ABHD12: variants seen among roughly 807,000 people sequenced by gnomAD.
ABHD12 encodes the protein lysophosphatidylserine lipase ABHD12.
ABHD12 carries 43 observed loss-of-function variants against 58.3 expected under a neutral mutation model. That is an observed-to-expected ratio of 0.74 (90% CI 0.58 to 0.95). The LOEUF (loss-of-function observed/expected upper bound fraction) is 0.95, where lower values mean the gene tolerates loss of function less well. ABHD12 is among the 40% of genes least tolerant of loss of function. The pLI is 0.00. For missense variants in ABHD12, 539 were observed against 537.2 expected (o/e 1.00, Z -0.03); for synonymous variants, 219 against 211.2 (o/e 1.04, Z -0.32).
At chr20:25,338,217 T>TTCC (rs1871965852) in intron 2 of ABHD12, among the ~76,000 whole-genome samples, 1 of 152,172 alleles carries the variant, frequency 6.6e-6, no homozygotes, top group South Asian at 2.1e-4. Context: ...GCCTCCTCCT[T>TTCC]TCCTCCTCCT....
chr20:25,373,233 A>G (rs901554035), intron 1 of ABHD12, among the ~76,000 whole-genome samples: 1 of 152,170 alleles, frequency 6.6e-6, no homozygotes, highest in Non-Finnish European at 1.5e-5. Context: ...ACATTACTAC[A>G]TGGCATGACA....
At chr20:25,355,284 A>G (rs1046818272) in intron 1 of ABHD12, among the ~76,000 whole-genome samples, 1 of 152,154 alleles carries the variant, frequency 6.6e-6, no homozygotes, top group African/African-American at 2.4e-5. Context: ...CCTATCAAAG[A>G]GAAATATGCA....
At chr20:25,333,521 C>T (rs2089312370) in intron 2 of ABHD12, among the ~76,000 whole-genome samples, 1 of 150,054 alleles carries the variant, frequency 6.7e-6, no homozygotes. Context: ...GAATTTTAGA[C>T]CAATATCCTT....
intron 10 of ABHD12, among the ~76,000 whole-genome samples, chr20:25,305,374 T>TG (rs953884816): frequency 2.6e-4 from 40 of 151,888 alleles, no homozygotes; most frequent in Admixed American, 2.5e-3. Context: ...CCTCTTTTTT[T>TG]TTTTTTGAGA....
chr20:25,325,580 G>A (rs1287690734), intron 2 of ABHD12, among the ~76,000 whole-genome samples: 1 of 152,166 alleles, frequency 6.6e-6, no homozygotes, highest in African/African-American at 2.4e-5. Flanking sequence ...GGAGAAGATG[G>A]AGGCAGAGAT....
intron 2 of ABHD12, among the ~76,000 whole-genome samples, chr20:25,325,203 C>CAAAA (rs376306392): frequency 2.6e-5 from 2 of 76,444 alleles, no homozygotes; most frequent in African/African-American, 5.0e-5. Context: ...GACCCTGTTT[C>CAAAA]AAAAAAAAAA....
At chr20:25,373,347 G>A (rs899607149) in intron 1 of ABHD12, among the ~76,000 whole-genome samples, 1 of 152,170 alleles carries the variant, frequency 6.6e-6, no homozygotes, top group Non-Finnish European at 1.5e-5. Flanking sequence ...AGGAGTTCAA[G>A]ACCGGCCTGG....
At chr20:25,308,526 T>C in intron 7 of ABHD12, 32 bp from the exon 8 acceptor site, 1 of 1,595,114 alleles carries the variant, frequency 6.3e-7, no homozygotes, top group East Asian at 2.3e-5. Flanking sequence ...TTAGTTGAGT[T>C]ATGATAAAAT....
At chr20:25,301,445 CT>C (rs1352197043) in intron 12 of ABHD12, among the ~76,000 whole-genome samples, 1 of 152,152 alleles carries the variant, frequency 6.6e-6, no homozygotes, top group Non-Finnish European at 1.5e-5. Context: ...ACAAAAAACT[CT>C]ATCACCATTA....
chr20:25,335,787 T>A (rs531039386), intron 2 of ABHD12, among the ~76,000 whole-genome samples: 31 of 135,706 alleles, frequency 2.3e-4, no homozygotes, highest in Non-Finnish European at 4.6e-4. Context: ...AAGGGGAACA[T>A]CACACTCTGG....
chr20:25,377,886 C>T (rs1443726462), intron 1 of ABHD12, among the ~76,000 whole-genome samples: 5 of 152,032 alleles, frequency 3.3e-5, no homozygotes, highest in African/African-American at 9.7e-5. Flanking sequence ...TTAGGATAGA[C>T]GGGGTTTCAC....
chr20:25,321,081 T>C (rs1223664510), intron 3 of ABHD12, among the ~76,000 whole-genome samples: 2 of 152,254 alleles, frequency 1.3e-5, no homozygotes, highest in Non-Finnish European at 2.9e-5. Flanking sequence ...TCTTATTTTC[T>C]AGATCTTAAG....
At chr20:25,321,710 T>A (rs535563246) in intron 3 of ABHD12, among the ~76,000 whole-genome samples, 33 of 152,320 alleles carry the variant, frequency 2.2e-4, no homozygotes, top group African/African-American at 7.7e-4. Flanking sequence ...TAGGACAGAC[T>A]CATGTTAACC....
chr20:25,324,477 A>G (rs2089138989), intron 2 of ABHD12, among the ~76,000 whole-genome samples: 1 of 152,212 alleles, frequency 6.6e-6, no homozygotes, highest in South Asian at 2.1e-4. Context: ...CTGAGGTGGG[A>G]TTTGCCTGCT....
intron 1 of ABHD12, among the ~76,000 whole-genome samples, chr20:25,364,649 G>A (rs1249715414): frequency 6.6e-6 from 1 of 152,092 alleles, no homozygotes; most frequent in Non-Finnish European, 1.5e-5. Flanking sequence ...CATACCTAAC[G>A]GCCTACAGAG....
chr20:25,318,269 T>G (rs1446680229), intron 4 of ABHD12, among the ~76,000 whole-genome samples: 3 of 152,146 alleles, frequency 2.0e-5, no homozygotes, highest in Non-Finnish European at 4.4e-5. Context: ...GAGTCAGGAT[T>G]GTGCCACTGC....
chr20:25,341,266 G>A lies in ABHD12; in HGVS notation c.192-1915C>T, dbSNP rs113974850. On this transcript the variant is annotated intron_variant, in intron 1 of 12. Coordinates refer to ENST00000339157, the MANE Select transcript of ABHD12 (RefSeq NM_001042472.3). ...AGAGGTACCTGCTGCTGGGGATACT[G>A]CTGCTGGGGTTACTGCCCAGGGTGA... Among the ~76,000 whole-genome samples, 558 of 152,364 alleles carry A rather than the reference G, an allele frequency of 3.7e-3. 5 individuals carry two copies. The highest frequency in any genetic ancestry group is 0.01 in the Middle Eastern group (3 of 294).
chr20:25,298,908 G>A (rs79828368), downstream of ABHD12, among the ~76,000 whole-genome samples: 995 of 152,260 alleles, frequency 6.5e-3, 14 homozygotes, highest in African/African-American at 0.023. Context: ...CTGGGCGGGC[G>A]GCACCAAGGT....
intron 2 of ABHD12, among the ~76,000 whole-genome samples, chr20:25,327,064 TG>T (rs758365196): frequency 6.6e-6 from 1 of 152,244 alleles, no homozygotes; most frequent in African/African-American, 2.4e-5. Flanking sequence ...CCTTTCACCT[TG>T]GGGTAAACAC....
Sources: gnomAD v4.1 joint callset for allele counts (sites outside exome capture counted in the v4.1 genomes callset) on GRCh38, gnomAD v4.1.1 for gene constraint, MANE v1.5 for transcripts, NCBI Gene and HGNC (gene_info 2026-07-23, HGNC 2026-07-21) for gene names.